The following SLC18A1 variants were observed in gnomAD, a reference collection of about 807,000 sequenced individuals.
SLC18A1 encodes the protein chromaffin granule amine transporter.
Under a neutral mutation model 53.7 loss-of-function variants are expected in SLC18A1, and 69 were observed. That is an observed-to-expected ratio of 1.28 (90% CI 1.06 to 1.57). The LOEUF (loss-of-function observed/expected upper bound fraction) is 1.57, where lower values mean the gene tolerates loss of function less well. SLC18A1 is among the 40% of genes most tolerant of loss of function. The pLI is 0.00. For synonymous variants in SLC18A1, 320 were observed against 248.1 expected, an observed-to-expected ratio of 1.29 and a Z score of -2.72; for missense variants, 932 against 668.1, an observed-to-expected ratio of 1.40 and a Z score of -4.35.
Position 20,170,740 on chromosome 8 carries a change from T to C in SLC18A1, c.858+363A>G, listed in dbSNP as rs117686427. On this transcript the variant is annotated intron_variant, in intron 8 of 15. Coordinates refer to ENST00000276373, the MANE Select transcript of SLC18A1 (RefSeq NM_003053.4). Reference sequence around the variant, plus strand: ...GTCCCCAATGTCATTATCTCCTAGCTATAATTACATGTGTGTGTGCACATA... The same window carrying C: ...GTCCCCAATGTCATTATCTCCTAGCCATAATTACATGTGTGTGTGCACATA... Among the ~76,000 whole-genome samples, 23 of 151,940 alleles carry C rather than the reference T, an allele frequency of 1.5e-4. No homozygotes were observed. In the East Asian group the frequency reaches 3.5e-3, roughly 23 times the overall value.
At chr8:20,179,563 G>A in intron 2 of SLC18A1, 79 bp from the exon 3 acceptor site, 2 of 1,504,700 alleles carry the variant, frequency 1.3e-6, no homozygotes, top group Admixed American at 2.0e-5. Context: ...GCTAAGGACA[G>A]ATGTCAATTC....
chr8:20,154,380 T>G (rs896085075), intron 10 of SLC18A1, among the ~76,000 whole-genome samples: 1 of 152,120 alleles, frequency 6.6e-6, no homozygotes, highest in Non-Finnish European at 1.5e-5. Flanking sequence ...ATGGACCAGA[T>G]GTTGACAGCT....
At position 20,180,980 on chromosome 8, in the gene SLC18A1, G is replaced by A; in HGVS notation, c.-16C>T. ...TCCGGAGCATGGTGATGGCCGGACTGGGGCAGTCTTCCCCTGCGGGCTCTT... is the reference window on the plus strand; with the variant it reads ...TCCGGAGCATGGTGATGGCCGGACTAGGGCAGTCTTCCCCTGCGGGCTCTT... On this transcript the variant is annotated 5_prime_UTR_variant, in exon 2 of 16. Transcript: ENST00000276373. The A allele has an allele frequency of 6.4e-7, 1 of 1,561,024 alleles. No individual in the cohort carries two copies. The highest frequency in any genetic ancestry group is 2.4e-5 in the East Asian group (1 of 41,440).
At position 20,180,869 on chromosome 8, in the gene SLC18A1, G is replaced by A; in HGVS notation, c.96C>T (p.Leu32=). Residue 32 remains leucine (L), a synonymous_variant, in exon 2 of 16, where the codon CTC becomes CTT. Transcript: ENST00000276373. The part of the protein sequence containing the change: ...LVLVVVFVAL[L]LDNMLFTVVV... ...CCACAGTAAACAGCATGTTGTCCAGGAGCAAAGCGACGAATACCACCACCA... is the reference window on the plus strand; with the variant it reads ...CCACAGTAAACAGCATGTTGTCCAGAAGCAAAGCGACGAATACCACCACCA... 1 of 1,613,998 alleles carries A rather than the reference G, an allele frequency of 6.2e-7. No homozygotes were observed. Among genetic ancestry groups the A allele is most frequent in the South Asian group, 1.1e-5 (1 of 91,050 alleles).
chr8:20,178,538 C>G, intron 3 of SLC18A1, 45 bp from the exon 4 acceptor site: 4 of 1,406,762 alleles, frequency 2.8e-6, no homozygotes, highest in Non-Finnish European at 4.0e-6. Context: ...CCAACAGGCA[C>G]TCACATACAT....
In SLC18A1 at chr8:20,147,418, G is replaced by A. The variant is rs202119302; in HGVS notation, c.1331-27C>T. The A allele has an allele frequency of 6.6e-5, 106 of 1,595,618 alleles. No individual in the cohort carries two copies. In the South Asian group the frequency reaches 1.1e-3, roughly 16 times the overall value. ...TGGGAGGGATACATCAAAGTCATAA[G>A]TGTCTATGGAGCCTCCATATGGAGC... On this transcript the variant is annotated intron_variant, in intron 14 of 15. Coordinates refer to ENST00000276373, the MANE Select transcript of SLC18A1 (RefSeq NM_003053.4).
At position 20,145,448 on chromosome 8, in the gene SLC18A1, C is replaced by T. The variant is rs1220322067; in HGVS notation, c.*315G>A. Reference sequence around the variant, plus strand: ...GTTTCAGGGGCACATTACTCACTACCACCTCTATGCAATGAGTCACCCCTT... The same window carrying T: ...GTTTCAGGGGCACATTACTCACTACTACCTCTATGCAATGAGTCACCCCTT... On this transcript the variant is annotated 3_prime_UTR_variant, in exon 16 of 16. Transcript: ENST00000276373. 1.5e-5 allele frequency: 3 copies of T among 202,204 alleles called. No homozygotes were observed. The highest frequency in any genetic ancestry group is 6.0e-5 in the Admixed American group (1 of 16,612). The allele number at this position is 202,204 out of a possible 1,614,324, so 12.5% of individuals were successfully genotyped here. A position where few individuals can be genotyped will look rare whatever the true frequency, so the allele number is the denominator to read the frequency against.
At chr8:20,164,991 G>A (rs766347350) in intron 9 of SLC18A1, 27 bp from the exon 10 acceptor site, 151 of 1,611,626 alleles carry the variant, frequency 9.4e-5, no homozygotes, top group South Asian at 8.8e-4. Flanking sequence ...GTGAGCAGCC[G>A]TGGCTGCTTG....
intron 15 of SLC18A1, among the ~76,000 whole-genome samples, 200 bp downstream of exon 15, chr8:20,147,058 G>A (rs540958156): frequency 2.0e-5 from 3 of 152,246 alleles, no homozygotes; most frequent in Non-Finnish European, 4.4e-5. Context: ...AAAGAGGGAA[G>A]TGGTTACTTA....
At chr8:20,150,816 C>G in intron 10 of SLC18A1, 72 bp from the exon 11 acceptor site, 8 of 1,308,028 alleles carry the variant, frequency 6.1e-6, no homozygotes, top group Non-Finnish European at 8.9e-6. Context: ...TCGTACAAGA[C>G]ACTGAAGTCC....
chr8:20,165,604 G>C (rs2071938009), intron 8 of SLC18A1, among the ~76,000 whole-genome samples: 1 of 152,112 alleles, frequency 6.6e-6, no homozygotes, highest in South Asian at 2.1e-4. Context: ...ACTGAACTAA[G>C]GTAGAAGAAG....
chr8:20,159,131 C>T (rs377285460), intron 10 of SLC18A1, among the ~76,000 whole-genome samples: 2 of 152,086 alleles, frequency 1.3e-5, no homozygotes, highest in African/African-American at 4.8e-5. Flanking sequence ...TACTACAGAC[C>T]CCTGGACTGG....
intron 6 of SLC18A1, 25 bp downstream of exon 6, chr8:20,173,011 C>G (rs1184825173): frequency 6.5e-7 from 1 of 1,547,508 alleles, no homozygotes; most frequent in East Asian, 2.4e-5. Flanking sequence ...CTCCCGAACC[C>G]AGAGCTCCAG....
rs114373542 is a variant in SLC18A1 at position 20,149,976 on chromosome 8, C to T, written c.1095-249G>A. Among the ~76,000 whole-genome samples the T allele has an allele frequency of 3.7e-3, 568 of 152,274 alleles. 6 individuals carry two copies. The highest frequency in any genetic ancestry group is 0.013 in the African/African-American group (549 of 41,558). ...GGTGCCGTGGGACACACTCTTCCTT[C>T]CCTTACAGGAGGAATCAGCTGACTC... On this transcript the variant is annotated intron_variant, in intron 11 of 15. Coordinates refer to ENST00000276373, the MANE Select transcript of SLC18A1 (RefSeq NM_003053.4).
At chr8:20,182,899 CAA>C (rs1375508674) in intron 1 of SLC18A1, among the ~76,000 whole-genome samples, 162 bp downstream of exon 1, 16 of 152,100 alleles carry the variant, frequency 1.1e-4, no homozygotes, top group Admixed American at 2.6e-4. Context: ...GTAAGTACTA[CAA>C]AGAGAGAGAA....
intron 10 of SLC18A1, among the ~76,000 whole-genome samples, chr8:20,161,498 A>G (rs1370527249): frequency 6.6e-6 from 1 of 152,232 alleles, no homozygotes; most frequent in Non-Finnish European, 1.5e-5. Context: ...ACGTGTGTAG[A>G]TTATATGCAA....
chr8:20,172,395 C>T (rs898360389), intron 6 of SLC18A1, among the ~76,000 whole-genome samples: 23 of 152,206 alleles, frequency 1.5e-4, no homozygotes, highest in Non-Finnish European at 2.9e-4. Context: ...TTTCGATGAG[C>T]TTGTAAGCTC....
chr8:20,173,941 G>T (rs559061792), intron 5 of SLC18A1, among the ~76,000 whole-genome samples: 4 of 148,276 alleles, frequency 2.7e-5, no homozygotes, highest in Non-Finnish European at 5.9e-5. Flanking sequence ...CTGTCACCCA[G>T]GCTGAAGTGC....
rs905543742 is a variant in SLC18A1, at chr8:20,148,542, A to T, written c.1147-472T>A. ...CTGTTGGAAAAAGAAGATAGAGAAG[A>T]GGCCCCAACAACCAGTTAGCTGTAA... On this transcript the variant is annotated intron_variant, in intron 12 of 15. Coordinates refer to ENST00000276373, the MANE Select transcript of SLC18A1 (RefSeq NM_003053.4). 8 of 1,126,338 alleles carry T rather than the reference A, an allele frequency of 7.1e-6. No individual in the cohort carries two copies. In the African/African-American group the frequency reaches 1.3e-4, roughly 18 times the overall value. 69.8% of individuals were successfully genotyped at this position (1,126,338 alleles called of 1,614,324 possible). A position where few individuals can be genotyped will look rare whatever the true frequency, so the allele number is the denominator to read the frequency against.
Sources: allele counts gnomAD v4.1 joint callset (sites outside exome capture counted in the v4.1 genomes callset), GRCh38; gene constraint gnomAD v4.1.1; transcripts MANE v1.5; gene names NCBI Gene and HGNC (gene_info 2026-07-23, HGNC 2026-07-21).